The following PRKG1 variants were observed in gnomAD, a reference collection of about 807,000 sequenced individuals.
PRKG1 encodes the protein protein kinase cGMP-dependent 1, also known as cGMP-dependent protein kinase 1.
PRKG1 carries 35 observed loss-of-function variants against 88.1 expected under a neutral mutation model. The ratio of observed to expected loss-of-function variants is 0.40; its 90% confidence interval spans 0.30 to 0.53. The LOEUF (loss-of-function observed/expected upper bound fraction) is 0.53. Ranked by LOEUF, PRKG1 falls within the 20% of genes least tolerant of loss-of-function variation. PRKG1 has a pLI of 0.59. For missense variants in PRKG1, 540 were observed against 839.8 expected (o/e 0.64, Z 4.41); for synonymous variants, 303 against 292.5 (o/e 1.04, Z -0.37).
intron 7 of PRKG1, among the ~76,000 whole-genome samples, chr10:52,096,833 C>T (rs1847184601): frequency 6.6e-6 from 1 of 152,004 alleles, no homozygotes; most frequent in South Asian, 2.1e-4. Context: ...CCTAGGAAGG[C>T]AAATTGGATT....
chr10:51,992,576 T>C (rs1317356659), intron 5 of PRKG1, among the ~76,000 whole-genome samples: 2 of 152,158 alleles, frequency 1.3e-5, no homozygotes, highest in Non-Finnish European at 2.9e-5. Flanking sequence ...TTGTCCACCT[T>C]CTGCCACTTC....
intron 4 of PRKG1, among the ~76,000 whole-genome samples, chr10:51,847,628 A>C (rs908511874): frequency 6.6e-6 from 1 of 151,406 alleles, no homozygotes; most frequent in Non-Finnish European, 1.5e-5. Flanking sequence ...AGATTGGCTA[A>C]ATTTAGTGAT....
intron 7 of PRKG1, among the ~76,000 whole-genome samples, chr10:52,083,119 C>CT (rs890251803): frequency 6.6e-6 from 1 of 152,070 alleles, no homozygotes; most frequent in East Asian, 1.9e-4. Context: ...CATTTATTCT[C>CT]TTTTTTTCTC....
chr10:52,270,764 A>C (rs955318400), intron 10 of PRKG1, among the ~76,000 whole-genome samples: 1 of 151,954 alleles, frequency 6.6e-6, no homozygotes, highest in African/African-American at 2.4e-5. Context: ...AGATATACCT[A>C]ATACTAAATG....
intron 2 of PRKG1, among the ~76,000 whole-genome samples, chr10:51,162,897 T>C (rs760799858): frequency 2.6e-5 from 4 of 152,108 alleles, no homozygotes; most frequent in Non-Finnish European, 5.9e-5. Flanking sequence ...TTTTGGATTT[T>C]TTGTAGAAAT....
chr10:52,284,540 T>G (rs186167543), intron 14 of PRKG1, among the ~76,000 whole-genome samples: 60 of 151,986 alleles, frequency 3.9e-4, no homozygotes, highest in African/African-American at 1.3e-3. Context: ...AGGATGATCT[T>G]TAGTTACAAA....
In PRKG1 at chr10:51,467,757, G is replaced by T; in HGVS notation, c.513G>T (p.Lys171Asn). 6.2e-7 allele frequency: 1 copy of T among 1,612,796 alleles called. No homozygotes were observed. Among genetic ancestry groups the T allele is most frequent in the Non-Finnish European group, 8.5e-7 (1 of 1,178,952 alleles). The change falls in exon 3 of 18, where the codon AAG becomes AAT. Residue 171 changes from lysine (K) to asparagine (N), a missense_variant. Lys to Asn is a moderately conservative substitution (Grantham distance 94, BLOSUM62 0). Coordinates refer to ENST00000373980, the MANE Select transcript of PRKG1 (RefSeq NM_006258.4). ...GKVEVTKEGV[K>N]LCTMGPGKVF... The stretch of plus-strand genomic sequence containing the variant: ...TTGAAGTTACAAAAGAAGGTGTGAA[G>T]TTGTGTACCATGGGTCCAGGAAAAG...
intron 4 of PRKG1, among the ~76,000 whole-genome samples, chr10:51,845,844 A>G (rs144711932): frequency 2.3e-3 from 344 of 152,268 alleles, no homozygotes; most frequent in African/African-American, 7.9e-3. Flanking sequence ...TTGATGAACT[A>G]TTCCTCAGTG....
rs1194735187 is a variant in PRKG1, at chr10:52,068,118, G to A, written c.935+5487G>A. 6.1e-5 allele frequency among the ~76,000 whole-genome samples: 7 copies of A among 115,056 alleles called. 1 individual carries two copies. The highest frequency in any genetic ancestry group is 1.3e-4 in the Non-Finnish European group (6 of 47,658). 75.5% of individuals were successfully genotyped at this position (115,056 alleles called of 152,430 possible). On this transcript the variant is annotated intron_variant, in intron 7 of 17. Transcript: ENST00000373980. ...CACGGGAGGCTGAGGCAGGAGAATG[G>A]CGTGAACCCGGGAGGCGGAGCTTGC...
chr10:52,293,958 G>T lies in PRKG1; in HGVS notation c.*58G>T, dbSNP rs889517151. 1.3e-5 allele frequency: 19 copies of T among 1,419,890 alleles called. No homozygotes were observed. The African/African-American group carries it at 2.7e-4, about 20-fold the overall frequency. The allele number at this position is 1,419,890 out of a possible 1,614,324, so 88.0% of individuals were successfully genotyped here. On this transcript the variant is annotated 3_prime_UTR_variant, in exon 18 of 18. Transcript: ENST00000373980. ...AGACAGCTTTTTCTGAGACACAGCT[G>T]CCAGCAAACCTGAGGGAAAGAGAGA... is the stretch of plus-strand genomic sequence containing the variant.
intron 1 of PRKG1, chr10:51,148,122 C>A: frequency 2.6e-6 from 1 of 386,874 alleles, no homozygotes; most frequent in Non-Finnish European, 3.5e-6. Flanking sequence ...TGGAGTTGTC[C>A]TTTGAAAATA....
intron 5 of PRKG1, among the ~76,000 whole-genome samples, chr10:51,963,391 C>G (rs891475606): frequency 2.6e-5 from 4 of 152,192 alleles, no homozygotes; most frequent in Middle Eastern, 6.8e-3. Flanking sequence ...TTTTATATTA[C>G]TGTGAAGCAG....
chr10:51,838,690 T>C (rs1018745377), intron 4 of PRKG1, among the ~76,000 whole-genome samples: 5 of 152,156 alleles, frequency 3.3e-5, no homozygotes, highest in Admixed American at 3.3e-4. Context: ...TTGGGAATCC[T>C]TTTTTTCTGC....
intron 3 of PRKG1, among the ~76,000 whole-genome samples, chr10:51,572,107 C>G (rs1191729261): frequency 6.6e-6 from 1 of 151,714 alleles, no homozygotes; most frequent in African/African-American, 2.4e-5. Context: ...AAAATTTTTT[C>G]AAAAAGCAAT....
At chr10:51,068,209 A>G (rs546926136) in intron 1 of PRKG1, among the ~76,000 whole-genome samples, 1 of 152,162 alleles carries the variant, frequency 6.6e-6, no homozygotes, top group South Asian at 2.1e-4. Flanking sequence ...CATGATGATT[A>G]TAGAAAAGTC....
intron 2 of PRKG1, among the ~76,000 whole-genome samples, chr10:51,415,075 G>A (rs757494499): frequency 6.6e-6 from 1 of 152,132 alleles, no homozygotes; most frequent in Admixed American, 6.6e-5. Context: ...TACAGATGTG[G>A]CACAATGGGG....
In PRKG1 at chr10:51,888,085, G is replaced by C. The variant is rs1235967036; in HGVS notation, c.699-19422G>C. 2.6e-5 allele frequency among the ~76,000 whole-genome samples: 4 copies of C among 152,256 alleles called. No homozygotes were observed. In the East Asian group the frequency reaches 5.8e-4, roughly 22 times the overall value. On this transcript the variant is annotated intron_variant, in intron 4 of 17. Transcript: ENST00000373980. ...ACAAAAGAACACAAATAAATTATTGGAGGTGACTATATACTTAGTACCTTG... is the reference window on the plus strand; with the variant it reads ...ACAAAAGAACACAAATAAATTATTGCAGGTGACTATATACTTAGTACCTTG...
chr10:51,881,845 GC>G (rs1307754006), intron 4 of PRKG1, among the ~76,000 whole-genome samples: 1 of 152,052 alleles, frequency 6.6e-6, no homozygotes, highest in Non-Finnish European at 1.5e-5. Flanking sequence ...AATGAAATAA[GC>G]AACATCATGA....
At chr10:51,089,481 T>C (rs1033765616) in intron 1 of PRKG1, among the ~76,000 whole-genome samples, 3 of 152,184 alleles carry the variant, frequency 2.0e-5, no homozygotes, top group Non-Finnish European at 4.4e-5. Flanking sequence ...TTTAACTAGG[T>C]GCTTGCCTCA....
Sources: gnomAD v4.1 joint callset for allele counts (sites outside exome capture counted in the v4.1 genomes callset) on GRCh38, gnomAD v4.1.1 for gene constraint, MANE v1.5 for transcripts, NCBI Gene and HGNC (gene_info 2026-07-23, HGNC 2026-07-21) for gene names.